The following USH2A variants were observed in gnomAD, a reference collection of about 807,000 sequenced individuals.
USH2A encodes the protein Usher syndrome 2A (autosomal recessive, mild).
In USH2A, 443 loss-of-function variants were observed where a neutral mutation model predicts 538.9. The observed-to-expected ratio is 0.82, with a 90% CI of 0.76 to 0.89. The LOEUF is 0.89. Among genes scored for constraint, USH2A ranks in the 40% least tolerant of loss-of-function variants. USH2A has a pLI of 0.00. For missense variants in USH2A, 6,633 were observed against 6,324.8 expected, an observed-to-expected ratio of 1.05 and a Z score of -1.65; for synonymous variants, 2,413 against 2,273.5, an observed-to-expected ratio of 1.06 and a Z score of -1.75.
At chr1:216,273,941 G>C (rs1221789859) in intron 11 of USH2A, among the ~76,000 whole-genome samples, 1 of 151,992 alleles carries the variant, frequency 6.6e-6, no homozygotes, top group African/African-American at 2.4e-5. Flanking sequence ...CAACTGTTCA[G>C]TGTATTCCGA....
At chr1:216,011,481 A>C (rs931920602) in intron 32 of USH2A, among the ~76,000 whole-genome samples, 7 of 152,104 alleles carry the variant, frequency 4.6e-5, no homozygotes, top group Admixed American at 3.9e-4. Flanking sequence ...GTGTCTGATT[A>C]ATCTCCCAAA....
chr1:216,046,161 G>A (rs1234976395), intron 32 of USH2A, among the ~76,000 whole-genome samples: 4 of 151,446 alleles, frequency 2.6e-5, no homozygotes, highest in Non-Finnish European at 4.4e-5. Flanking sequence ...TTGCATATAG[G>A]CTATCCACAT....
At chr1:216,404,948 C>A (rs1220643377) in intron 3 of USH2A, among the ~76,000 whole-genome samples, 1 of 151,878 alleles carries the variant, frequency 6.6e-6, no homozygotes, top group Non-Finnish European at 1.5e-5. Flanking sequence ...AAAAGGTGCC[C>A]AGGCTGGTCT....
intron 67 of USH2A, among the ~76,000 whole-genome samples, chr1:215,645,016 G>T (rs2797229): frequency 4.6e-5 from 7 of 152,004 alleles, no homozygotes; most frequent in African/African-American, 1.5e-4. Flanking sequence ...TATTTCAGAC[G>T]GAAGAAGGAC....
chr1:215,657,553 T>A (rs559394392), intron 64 of USH2A, among the ~76,000 whole-genome samples: 2 of 152,346 alleles, frequency 1.3e-5, no homozygotes, highest in South Asian at 4.1e-4. Flanking sequence ...AGCATCTCTA[T>A]CTGCATAGAA....
chr1:216,320,115 G>C (rs574464571), intron 9 of USH2A, among the ~76,000 whole-genome samples: 1 of 152,242 alleles, frequency 6.6e-6, no homozygotes, highest in South Asian at 2.1e-4. Context: ...GTTGAAATGT[G>C]ATCCCCAGTG....
intron 32 of USH2A, among the ~76,000 whole-genome samples, chr1:216,014,506 C>T (rs12095215): frequency 0.62 from 93,854 of 152,070 alleles, 29,271 homozygotes; most frequent in East Asian, 0.75. Context: ...AATGGATCAA[C>T]GGATTCAAAC....
At chr1:216,118,881 C>A (rs1309650695) in intron 21 of USH2A, among the ~76,000 whole-genome samples, 1 of 152,202 alleles carries the variant, frequency 6.6e-6, no homozygotes, top group Non-Finnish European at 1.5e-5. Flanking sequence ...CATGTACAGT[C>A]TTAAACTCTT....
chr1:215,926,793 C>T (rs558699532), intron 38 of USH2A, among the ~76,000 whole-genome samples: 20 of 151,616 alleles, frequency 1.3e-4, no homozygotes, highest in Non-Finnish European at 2.2e-4. Context: ...TTTTTGGTAG[C>T]GATGGGGTTT....
At position 216,282,122 on chromosome 1, in the gene USH2A, G is replaced by T. The variant is rs139337514; in HGVS notation, c.1971+7158C>A. On this transcript the variant is annotated intron_variant, in intron 11 of 71. Transcript: ENST00000307340. ...ACAAGCTTCTTATCAGATATATGCT[G>T]TGCAAATATTTTCTTCATTATTACA... Among the ~76,000 whole-genome samples, 756 of 152,068 alleles carry T rather than the reference G, an allele frequency of 5.0e-3. 7 individuals carry two copies. The highest frequency in any genetic ancestry group is 0.018 in the African/African-American group (737 of 41,502).
chr1:216,369,831 G>C (rs1463682713), intron 3 of USH2A, among the ~76,000 whole-genome samples: 1 of 150,314 alleles, frequency 6.7e-6, no homozygotes, highest in Non-Finnish European at 1.5e-5. Context: ...GCTGAGGCGG[G>C]AGAATCTTTT....
intron 38 of USH2A, among the ~76,000 whole-genome samples, chr1:215,914,751 G>T (rs1314126273): frequency 6.6e-6 from 1 of 152,128 alleles, no homozygotes; most frequent in Non-Finnish European, 1.5e-5. Context: ...ATCAGGGAAT[G>T]CACGCCATCT....
chr1:215,829,521 G>A (rs1339471468), intron 47 of USH2A, among the ~76,000 whole-genome samples: 2 of 152,274 alleles, frequency 1.3e-5, no homozygotes, highest in Admixed American at 6.5e-5. Context: ...TGCTAGAGAA[G>A]TAGACCCCGT....
chr1:216,270,908 C>T lies in USH2A; in HGVS notation c.1971+18372G>A, dbSNP rs151333695. On this transcript the variant is annotated intron_variant, in intron 11 of 71. Transcript: ENST00000307340. ...TTTAATTCTGATGATAATAATCCTA[C>T]GGTAAGGTGGTGAGAATGAAACACC... is the stretch of plus-strand genomic sequence containing the variant. Among the ~76,000 whole-genome samples the T allele has an allele frequency of 4.8e-4, 73 of 151,994 alleles. 2 individuals carry two copies. Among genetic ancestry groups the T allele is most frequent in the South Asian group, 1.2e-3 (6 of 4,820 alleles).
chr1:215,696,216 CA>C (rs1658803254), intron 61 of USH2A, among the ~76,000 whole-genome samples: 1 of 152,106 alleles, frequency 6.6e-6, no homozygotes, highest in South Asian at 2.1e-4. Flanking sequence ...TTAAGAAAAT[CA>C]TAAGGAAGAG....
At chr1:215,865,537 T>A (rs1664447436) in intron 44 of USH2A, among the ~76,000 whole-genome samples, 1 of 152,116 alleles carries the variant, frequency 6.6e-6, no homozygotes, top group African/African-American at 2.4e-5. Context: ...GCTTTTAAGA[T>A]GAATCAGTTA....
At position 215,671,000 on chromosome 1, in the gene USH2A, A is replaced by G; in HGVS notation, c.14105T>C (p.Leu4702Pro). 10 of 1,614,190 alleles carry G rather than the reference A, an allele frequency of 6.2e-6. No individual in the cohort carries two copies. The highest frequency in any genetic ancestry group is 8.5e-6 in the Non-Finnish European group (10 of 1,180,012). The change falls in exon 64 of 72, where the codon CTA (leucine) becomes CCA (proline). Residue 4702 changes from leucine (L) to proline (P), a missense_variant. Transcript: ENST00000307340. Reference protein sequence around the residue: ...GSSTSFIDSELLPFTEYEYQV... With the variant: ...GSSTSFIDSEPLPFTEYEYQV... ...ATACTCATACTCTGTGAAAGGCAAT[A>G]GTTCGGAATCTATAAAAGATGTTGA...
At chr1:216,207,171 G>A in intron 16 of USH2A, 102 bp downstream of exon 16, 1 of 1,413,106 alleles carries the variant, frequency 7.1e-7, no homozygotes, top group Non-Finnish European at 9.9e-7. Flanking sequence ...CTCTGTGCCA[G>A]ACAGAGGAAA....
At chr1:215,765,727 C>T (rs1212134355) in intron 56 of USH2A, among the ~76,000 whole-genome samples, 1 of 152,072 alleles carries the variant, frequency 6.6e-6, no homozygotes, top group Non-Finnish European at 1.5e-5. Flanking sequence ...ATTTATTAAC[C>T]ATTAACAATA....
Sources: allele counts gnomAD v4.1 joint callset (sites outside exome capture counted in the v4.1 genomes callset), GRCh38; gene constraint gnomAD v4.1.1; transcripts MANE v1.5; gene names NCBI Gene and HGNC (gene_info 2026-07-23, HGNC 2026-07-21).